SGSM3: variants seen among roughly 807,000 people sequenced by gnomAD.
The protein encoded by SGSM3 is small G protein signaling modulator 3.
A neutral mutation model predicts 100.5 loss-of-function variants in SGSM3; 96 were observed. The ratio of observed to expected loss-of-function variants is 0.96; its 90% CI spans 0.81 to 1.13. The LOEUF (loss-of-function observed/expected upper bound fraction) is 1.13. SGSM3 is among the 50% of genes most tolerant of loss of function. The pLI, the probability that SGSM3 is intolerant of heterozygous loss-of-function variation, is 0.00. For missense variants in SGSM3, 1,001 were observed against 1,015.8 expected (o/e 0.99, Z 0.20); for synonymous variants, 483 against 422.8 (o/e 1.14, Z -1.75).
At chr22:40,394,245 G>A (rs1051577475) in intron 1 of SGSM3, among the ~76,000 whole-genome samples, 1 of 152,198 alleles carries the variant, frequency 6.6e-6, no homozygotes, top group African/African-American at 2.4e-5. Context: ...CGGCCTCCCA[G>A]TGTAACATGG....
Position 40,406,502 on chromosome 22 carries a change from C to A in SGSM3, c.1025C>A (p.Ser342Ter). Residue 342 changes from serine to a stop codon, truncating the protein, a stop_gained, in exon 10 of 22, where the codon TCG becomes TAG. Transcript: ENST00000248929. LOFTEE classifies it high-confidence loss of function. ...SIFNTLSDIPSQMEDAELLLG... is the reference protein window; with the variant it reads ...SIFNTLSDIP ...TTCAACACGCTATCGGATATCCCGT[C>A]GCAGATGGAGGACGCGGAGCTGCTT... is the stretch of plus-strand genomic sequence containing the variant. 6.2e-7 allele frequency: 1 copy of A among 1,611,954 alleles called. No individual in the cohort carries two copies. The highest frequency in any genetic ancestry group is 1.1e-5 in the South Asian group (1 of 90,948).
chr22:40,401,316 C>T (rs1384961419), intron 2 of SGSM3, among the ~76,000 whole-genome samples: 1 of 152,060 alleles, frequency 6.6e-6, no homozygotes, highest in Non-Finnish European at 1.5e-5. Flanking sequence ...CGCAATGGCA[C>T]GATCCTTGCT....
At position 40,407,988 on chromosome 22, in the gene SGSM3, A is replaced by C; in HGVS notation, c.1580-83A>C. The C allele has an allele frequency of 2.7e-6, 4 of 1,507,968 alleles. No individual in the cohort carries two copies. Among genetic ancestry groups the C allele is most frequent in the Non-Finnish European group, 3.6e-6 (4 of 1,100,310 alleles). 93.4% of individuals were successfully genotyped at this position (1,507,968 alleles called of 1,614,324 possible). On this transcript the variant is annotated intron_variant, in intron 14 of 21. Transcript: ENST00000248929. This position sits in a 1 kb window ranked among gnomAD's most constrained non-coding sequence, Gnocchi z 4.7. ...CCTGAAGCAGCTGAGCCGGCTTCCC[A>C]CTGCCTCAGCCTGCCTGCAGGCTGT... is the stretch of plus-strand genomic sequence containing the variant.
rs1405003675 is a variant in SGSM3, at chr22:40,407,267, G to A, written c.1307G>A (p.Arg436Gln). The change falls in exon 12 of 22, where the codon CGG (arginine) becomes CAG (glutamine). Residue 436 changes from arginine (R) to glutamine (Q), a missense_variant. Physicochemically the swap from Arg to Gln is conservative, Grantham distance 43. Coordinates refer to ENST00000248929, the MANE Select transcript of SGSM3 (RefSeq NM_015705.6). This position sits in a 1 kb window ranked among gnomAD's most constrained non-coding sequence, Gnocchi z 4.7. ...IKQTELVADL[R>Q]EAILRVARHF... is the part of the protein sequence containing the mutation. ...CAGACGGAACTGGTGGCTGACCTCC[G>A]GGAAGCCATCCTGCGCGTGGCACGC... 8.1e-6 allele frequency: 13 copies of A among 1,613,508 alleles called. No individual in the cohort carries two copies. The highest frequency in any genetic ancestry group is 2.2e-5 in the East Asian group (1 of 44,894).
chr22:40,388,899 G>A (rs1198594725), intron 1 of SGSM3, among the ~76,000 whole-genome samples: 3 of 152,162 alleles, frequency 2.0e-5, no homozygotes, highest in Non-Finnish European at 4.4e-5. Flanking sequence ...CACTGAAGGG[G>A]AGGACCAGGT....
At chr22:40,377,781 G>C (rs1447997839) in intron 1 of SGSM3, among the ~76,000 whole-genome samples, 2 of 151,796 alleles carry the variant, frequency 1.3e-5, no homozygotes, top group Non-Finnish European at 2.9e-5. Context: ...GGGAGGTCAA[G>C]GCTGCAGTGA....
chr22:40,391,619 C>A (rs2049369975), intron 1 of SGSM3, among the ~76,000 whole-genome samples: 1 of 152,012 alleles, frequency 6.6e-6, no homozygotes, highest in African/African-American at 2.4e-5. Context: ...TCAAAACACA[C>A]CACAAAAAGT....
chr22:40,397,370 C>T (rs1443103918), intron 1 of SGSM3, among the ~76,000 whole-genome samples: 1 of 151,960 alleles, frequency 6.6e-6, no homozygotes, highest in Non-Finnish European at 1.5e-5. Flanking sequence ...AATTCAAGAC[C>T]AGCCTGGGCA....
At chr22:40,402,813 A>G (rs1220798818) in intron 4 of SGSM3, among the ~76,000 whole-genome samples, 1 of 152,180 alleles carries the variant, frequency 6.6e-6, no homozygotes, top group African/African-American at 2.4e-5. Flanking sequence ...TTGGATAACT[A>G]CTTTTCTATA....
In SGSM3 at chr22:40,407,719, T is replaced by A; in HGVS notation, c.1525-70T>A. On this transcript the variant is annotated intron_variant, in intron 13 of 21. Coordinates refer to ENST00000248929, the MANE Select transcript of SGSM3 (RefSeq NM_015705.6). The surrounding 1 kb of genome is among the most constrained non-coding windows in gnomAD (Gnocchi z 4.7). Reference sequence around the variant, plus strand: ...GCCTGGCCTAGTTGCTGAGGAGTCATATCGGGGGTGCAGGAGGCGCTGGCC... The same window carrying A: ...GCCTGGCCTAGTTGCTGAGGAGTCAAATCGGGGGTGCAGGAGGCGCTGGCC... The A allele has an allele frequency of 6.3e-7, 1 of 1,589,272 alleles. No homozygotes were observed. The highest frequency in any genetic ancestry group is 8.6e-7 in the Non-Finnish European group (1 of 1,157,750).
At chr22:40,389,972 G>C (rs995805005) in intron 1 of SGSM3, among the ~76,000 whole-genome samples, 1 of 150,424 alleles carries the variant, frequency 6.6e-6, no homozygotes, top group East Asian at 1.9e-4. Context: ...AACTTCATCT[G>C]TGCTAGATTG....
chr22:40,384,838 C>G (rs1342165421), intron 1 of SGSM3, among the ~76,000 whole-genome samples: 2 of 152,114 alleles, frequency 1.3e-5, no homozygotes, highest in Non-Finnish European at 2.9e-5. Flanking sequence ...TGAAGCTATC[C>G]AACAATAAGT....
At chr22:40,400,289 G>A (rs1056165569) in intron 1 of SGSM3, among the ~76,000 whole-genome samples, 7 of 152,248 alleles carry the variant, frequency 4.6e-5, no homozygotes, top group East Asian at 1.9e-4. Flanking sequence ...ACATCTCCTC[G>A]TTGTCACCTA....
rs1194122027 is a variant in SGSM3, at chr22:40,407,800, G to A, written c.1536G>A (p.Gln512=). Reference sequence around the variant, plus strand: ...TTCCTCCTGTGCAGATCGTGTCTCAGAAGGACGAGCACTGCTGGGTGGGGG... The same window carrying A: ...TTCCTCCTGTGCAGATCGTGTCTCAAAAGGACGAGCACTGCTGGGTGGGGG... ...RKNDIITIVS[Q]KDEHCWVGEL... Residue 512 remains glutamine, a synonymous_variant, in exon 14 of 22, where the codon CAG becomes CAA. Coordinates refer to ENST00000248929, the MANE Select transcript of SGSM3 (RefSeq NM_015705.6). The surrounding 1 kb of genome is among the most constrained non-coding windows in gnomAD (Gnocchi z 4.7). 6.2e-7 allele frequency: 1 copy of A among 1,614,008 alleles called. No individual in the cohort carries two copies. The highest frequency in any genetic ancestry group is 1.3e-5 in the African/African-American group (1 of 75,032).
chr22:40,409,149 G>A (rs1400221843), intron 19 of SGSM3, 101 bp from the exon 20 acceptor site: 1 of 1,557,240 alleles, frequency 6.4e-7, no homozygotes, highest in East Asian at 2.3e-5. Context: ...CAAAGAGGGT[G>A]GTCTGGGAGC....
Position 40,404,627 on chromosome 22 carries a change from A to G in SGSM3, c.437A>G (p.Lys146Arg), listed in dbSNP as rs762404092. The change falls in exon 6 of 22, where the codon AAG (lysine) becomes AGG (arginine). Residue 146 changes from lysine to arginine, a missense_variant. Coordinates refer to ENST00000248929, the MANE Select transcript of SGSM3 (RefSeq NM_015705.6). Reference sequence around the variant, plus strand: ...GAGCTGTCCTACCGCGAGATTGTGAAGAACAGCTCCAACGATGAGACCATC... The same window carrying G: ...GAGCTGTCCTACCGCGAGATTGTGAGGAACAGCTCCAACGATGAGACCATC... ...NSELSYREIV[K>R]NSSNDETIAA... 1 of 1,613,558 alleles carries G rather than the reference A, an allele frequency of 6.2e-7. No homozygotes were observed. Among genetic ancestry groups the G allele is most frequent in the Non-Finnish European group, 8.5e-7 (1 of 1,179,784 alleles).
At chr22:40,396,105 A>AT (rs1236701254) in intron 1 of SGSM3, among the ~76,000 whole-genome samples, 1 of 152,158 alleles carries the variant, frequency 6.6e-6, no homozygotes, top group South Asian at 2.1e-4. Context: ...TTCTTTGAGC[A>AT]TTTATTGTCT....
intron 1 of SGSM3, among the ~76,000 whole-genome samples, chr22:40,373,125 G>A (rs1366767194): frequency 6.6e-6 from 1 of 152,152 alleles, no homozygotes; most frequent in Admixed American, 6.5e-5. Context: ...ACCACTTATT[G>A]GATGCCTTCT....
chr22:40,400,810 T>A lies in SGSM3; in HGVS notation c.4T>A (p.Ser2Thr). The A allele has an allele frequency of 6.5e-7, 1 of 1,546,496 alleles. No individual in the cohort carries two copies. The highest frequency in any genetic ancestry group is 1.2e-5 in the South Asian group (1 of 83,178). ...GACTTGCCAGCCCACCAGCACAATG[T>A]CAGGTAGAGGCAGGGGCTGGACTTG... MSGSHTPACGPF... is the reference protein window; with the variant it reads MTGSHTPACGPF... The change falls in exon 2 of 22, where the codon TCA becomes ACA. Residue 2 changes from serine (S) to threonine (T), a missense_variant. By Grantham distance (58) the Ser-to-Thr change is moderately conservative. Coordinates refer to ENST00000248929, the MANE Select transcript of SGSM3 (RefSeq NM_015705.6).
Sources: allele counts gnomAD v4.1 joint callset (sites outside exome capture counted in the v4.1 genomes callset), GRCh38; gene constraint gnomAD v4.1.1; non-coding constraint Gnocchi (gnomAD v3.1); transcripts MANE v1.5; gene names NCBI Gene and HGNC (gene_info 2026-07-23, HGNC 2026-07-21).